ATRX: variants seen among roughly 807,000 people sequenced by gnomAD.
ATRX encodes ATRX chromatin remodeler, also known as chromatin remodeler ATRX.
In ATRX, 12 loss-of-function variants were observed where a neutral mutation model predicts 172.6. That is an observed-to-expected ratio of 0.07 (90% CI 0.04 to 0.11). The LOEUF is 0.11. Among genes scored for constraint, ATRX ranks in the 10% least tolerant of loss-of-function variants. The pLI is 1.00. For missense variants in ATRX, 1,368 were observed against 1,767.4 expected, an observed-to-expected ratio of 0.77 and a Z score of 4.05; for synonymous variants, 674 against 594.7, an observed-to-expected ratio of 1.13 and a Z score of -1.94.
intron 15 of ATRX, among the ~76,000 whole-genome samples, chrX:77,645,877 A>G (rs1246893225): frequency 2.7e-5 from 3 of 112,145 alleles, no homozygotes; most frequent in African/African-American, 9.7e-5. Context: ...ACTGAAGTTA[A>G]GTTCACATCA....
intron 28 of ATRX, among the ~76,000 whole-genome samples, chrX:77,571,968 A>T (rs188789066): frequency 1.8e-5 from 2 of 112,077 alleles, no homozygotes; most frequent in Admixed American, 9.5e-5. Flanking sequence ...ATAAACAAGG[A>T]TTATATTTAT....
At chrX:77,666,732 T>C (rs566254969) in intron 10 of ATRX, among the ~76,000 whole-genome samples, 56 of 111,767 alleles carry the variant, frequency 5.0e-4, no homozygotes, top group South Asian at 2.6e-3. Context: ...TGGTGGCGCA[T>C]GCCTGTAATC....
At chrX:77,686,780 TCTAA>T (rs1248994137) in intron 7 of ATRX, among the ~76,000 whole-genome samples, 1 of 110,917 alleles carries the variant, frequency 9.0e-6, no homozygotes, top group African/African-American at 3.3e-5. Context: ...TTTCCAGACA[TCTAA>T]CTATCTCAAG....
At chrX:77,728,428 T>C (rs2074147608) in intron 1 of ATRX, among the ~76,000 whole-genome samples, 1 of 111,997 alleles carries the variant, frequency 8.9e-6, no homozygotes, top group South Asian at 3.6e-4. Context: ...GCAAAATAAA[T>C]AATGAAAAAC....
At chrX:77,748,115 T>A (rs1374250826) in intron 1 of ATRX, among the ~76,000 whole-genome samples, 1 of 111,677 alleles carries the variant, frequency 9.0e-6, no homozygotes, top group Admixed American at 9.6e-5. Flanking sequence ...ATCATTTAAT[T>A]TGGGGCCCAC....
In ATRX at chrX:77,682,763, A is replaced by T. The variant is rs782787301; in HGVS notation, c.2493T>A (p.Ile831=). The T allele has an allele frequency of 8.3e-7, 1 of 1,210,508 alleles. No individual in the cohort carries two copies. The highest frequency in any genetic ancestry group is 1.1e-6 in the Non-Finnish European group (1 of 895,123). ...TTTTTTTGGTGGTTCTGGCAGCACC[A>T]ATTTTACTCATGCTCTTTATCTCTT... ...LEKEIKSMSK[I]GAARTTKKRI... The change falls in exon 9 of 35, where the codon ATT becomes ATA. Residue 831 remains isoleucine, a synonymous_variant. Coordinates refer to ENST00000373344, the MANE Select transcript of ATRX (RefSeq NM_000489.6).
In ATRX at chrX:77,682,762, C is replaced by T. The variant is rs1557139497; in HGVS notation, c.2494G>A (p.Gly832Ser). 4 of 1,210,306 alleles carry T rather than the reference C, an allele frequency of 3.3e-6. No individual in the cohort carries two copies. Among genetic ancestry groups the T allele is most frequent in the East Asian group, 3.0e-5 (1 of 33,818 alleles). ...CTTTTTTTGGTGGTTCTGGCAGCAC[C>T]AATTTTACTCATGCTCTTTATCTCT... ...EKEIKSMSKI[G>S]AARTTKKRIP... The change falls in exon 9 of 35, where the codon GGT becomes AGT. Residue 832 changes from glycine to serine, a missense_variant. Around this residue, in one of 17 missense-constraint regions of ATRX, gnomAD observed 843 missense variants for 643.1 expected, o/e 1.31. Coordinates refer to ENST00000373344, the MANE Select transcript of ATRX (RefSeq NM_000489.6).
intron 30 of ATRX, among the ~76,000 whole-genome samples, chrX:77,551,552 G>A (rs782605139): frequency 4.2e-4 from 47 of 111,945 alleles, no homozygotes; most frequent in Non-Finnish European, 7.9e-4. Flanking sequence ...CAGGAAATAG[G>A]CATGGGCAAG....
At chrX:77,769,219 G>A (rs5959682) in intron 1 of ATRX, among the ~76,000 whole-genome samples, 1,241 of 110,788 alleles carry the variant, frequency 0.011, 17 homozygotes, top group African/African-American at 0.039. Flanking sequence ...TTTCTAAATG[G>A]GAAAAGCAGC....
chrX:77,521,256 G>T, intron 33 of ATRX, 147 bp downstream of exon 33: 1 of 498,165 alleles, frequency 2.0e-6, no homozygotes, highest in Non-Finnish European at 3.5e-6. Context: ...GCTGGGTTAC[G>T]GTTTGGCATT....
At chrX:77,704,015 G>A (rs1557155499) in intron 2 of ATRX, among the ~76,000 whole-genome samples, 1 of 111,200 alleles carries the variant, frequency 9.0e-6, no homozygotes, top group African/African-American at 3.3e-5. Flanking sequence ...CTCAGCAGCT[G>A]ATTATCCCGT....
chrX:77,620,570 T>A (rs1557099412), intron 19 of ATRX, 38 bp from the exon 20 acceptor site: 1 of 1,101,491 alleles, frequency 9.1e-7, no homozygotes, highest in Non-Finnish European at 1.2e-6. Flanking sequence ...AATTAATATA[T>A]AATAAAACTG....
chrX:77,719,102 T>C lies in ATRX; in HGVS notation c.21-1859A>G, dbSNP rs370812745. Among the ~76,000 whole-genome samples, 25 of 111,321 alleles carry C rather than the reference T, an allele frequency of 2.2e-4. No homozygotes were observed. The South Asian group carries it at 2.3e-3, about 10-fold the overall frequency. On this transcript the variant is annotated intron_variant, in intron 1 of 34. Coordinates refer to ENST00000373344, the MANE Select transcript of ATRX (RefSeq NM_000489.6). ...GTGTGAGCCACCATGCCCAGCCCCA[T>C]TTTTAATAAAAGTCAAAACTTTTGC...
intron 32 of ATRX, 194 bp from the exon 33 acceptor site, chrX:77,521,692 T>TA (rs1360669228): frequency 5.4e-5 from 19 of 354,572 alleles, no homozygotes; most frequent in Non-Finnish European, 7.4e-5. Flanking sequence ...TTAGGAAGAT[T>TA]AAAAAAGTTT....
intron 27 of ATRX, among the ~76,000 whole-genome samples, chrX:77,582,296 A>G (rs1408582167): frequency 9.1e-6 from 1 of 109,388 alleles, no homozygotes; most frequent in Non-Finnish European, 1.9e-5. Flanking sequence ...GCTACTCAGG[A>G]GGCTGAGGCG....
At chrX:77,706,570 T>C (rs148739285) in intron 2 of ATRX, among the ~76,000 whole-genome samples, 1,937 of 110,759 alleles carry the variant, frequency 0.017, 19 homozygotes, top group South Asian at 0.031. Flanking sequence ...GAAAAACAGA[T>C]AAATAAAAGT....
At chrX:77,549,275 C>T (rs1359163132) in intron 30 of ATRX, among the ~76,000 whole-genome samples, 1 of 111,430 alleles carries the variant, frequency 9.0e-6, no homozygotes, top group East Asian at 2.8e-4. Context: ...ATCCCAGCTA[C>T]TCAGGTGGCT....
intron 2 of ATRX, among the ~76,000 whole-genome samples, chrX:77,709,567 A>C (rs551019194): frequency 4.9e-4 from 54 of 110,252 alleles, no homozygotes; most frequent in South Asian, 2.7e-3. Context: ...CACAGGTACC[A>C]CTGAACCTAA....
rs782277065 is a variant in ATRX at position 77,683,026 on chromosome X, T to A, written c.2230A>T (p.Met744Leu). ...GTATCTGAAGAAGAACTGTGACTCA[T>A]CCTGCTCACCTCTTTGAGGATTGCT... Reference protein sequence around the residue: ...MLAILKEVSRMSHSSSSDTDI... With the variant: ...MLAILKEVSRLSHSSSSDTDI... The change falls in exon 9 of 35, where the codon ATG becomes TTG. Residue 744 changes from methionine to leucine, a missense_variant. Met to Leu is a conservative substitution (Grantham distance 15). Around this residue, in one of 17 missense-constraint regions of ATRX, gnomAD observed 843 missense variants for 643.1 expected, o/e 1.31. Transcript: ENST00000373344. 1 of 1,210,966 alleles carries A rather than the reference T, an allele frequency of 8.3e-7. No individual in the cohort carries two copies.
Sources: allele counts gnomAD v4.1 joint callset (sites outside exome capture counted in the v4.1 genomes callset), GRCh38; gene constraint gnomAD v4.1.1; regional missense constraint gnomAD v4.1.1; transcripts MANE v1.5; gene names NCBI Gene and HGNC (gene_info 2026-07-23, HGNC 2026-07-21).